Variants in ADAMTS3 observed in about 807,000 individuals in gnomAD.
The protein encoded by ADAMTS3 is A disintegrin and metalloproteinase with thrombospondin motifs 3.
A neutral mutation model predicts 129.0 loss-of-function variants in ADAMTS3; 73 were observed. The observed-to-expected ratio is 0.57, with a 90% CI of 0.47 to 0.69. ADAMTS3 has a LOEUF of 0.69. Ranked by LOEUF, ADAMTS3 falls within the 30% of genes least tolerant of loss-of-function variation. ADAMTS3 has a pLI of 0.00. For missense variants in ADAMTS3, 1,457 were observed against 1,514.5 expected, an observed-to-expected ratio of 0.96 and a Z score of 0.63; for synonymous variants, 477 against 510.8, an observed-to-expected ratio of 0.93 and a Z score of 0.89.
chr4:72,344,870 AAAAAC>A (rs1450427709), intron 4 of ADAMTS3, among the ~76,000 whole-genome samples: 2 of 152,138 alleles, frequency 1.3e-5, no homozygotes. Flanking sequence ...TGGATTACCT[AAAAAC>A]AAACTTCATT....
chr4:72,420,928 T>C (rs1178892714), intron 3 of ADAMTS3, among the ~76,000 whole-genome samples: 1 of 151,500 alleles, frequency 6.6e-6, no homozygotes, highest in Non-Finnish European at 1.5e-5. Context: ...TACAGAATTG[T>C]AATTAAGAAA....
intron 3 of ADAMTS3, among the ~76,000 whole-genome samples, chr4:72,486,114 A>G (rs1181848282): frequency 6.6e-6 from 1 of 152,214 alleles, no homozygotes; most frequent in African/African-American, 2.4e-5. Flanking sequence ...AGAACTGTAT[A>G]TAGTAGTAGA....
intron 4 of ADAMTS3, among the ~76,000 whole-genome samples, chr4:72,375,696 T>C (rs1303513466): frequency 6.6e-6 from 1 of 152,074 alleles, no homozygotes; most frequent in African/African-American, 2.4e-5. Flanking sequence ...GTCCTTTCTA[T>C]TGGAAAATTA....
chr4:72,483,722 A>G (rs1401786867), intron 3 of ADAMTS3, among the ~76,000 whole-genome samples: 1 of 152,226 alleles, frequency 6.6e-6, no homozygotes, highest in Non-Finnish European at 1.5e-5. Flanking sequence ...CCAAACCTTC[A>G]TTAAGATAGC....
chr4:72,384,805 G>T (rs779940099), intron 4 of ADAMTS3, among the ~76,000 whole-genome samples: 2 of 151,968 alleles, frequency 1.3e-5, no homozygotes, highest in African/African-American at 4.8e-5. Flanking sequence ...AAATATTTAC[G>T]TTTAAAGCAA....
chr4:72,558,978 G>A (rs1286785619), intron 2 of ADAMTS3, among the ~76,000 whole-genome samples: 1 of 151,760 alleles, frequency 6.6e-6, no homozygotes, highest in African/African-American at 2.4e-5. Flanking sequence ...GCCTGGAGAT[G>A]ACAGCAACAG....
rs960352825 is a variant in ADAMTS3 at position 72,298,166 on chromosome 4, G to A, written c.2590+111C>T. The A allele has an allele frequency of 1.7e-5, 13 of 782,988 alleles. No individual in the cohort carries two copies. In the Admixed American group the frequency reaches 2.3e-4, roughly 14 times the overall value. The allele number at this position is 782,988 out of a possible 1,614,324, so 48.5% of individuals were successfully genotyped here. ...TTTGTATTGATGTTTTGATGGTTAT[G>A]TTTGGTGTTTCTCAGATTGTGGCCT... On this transcript the variant is annotated intron_variant, in intron 18 of 21. Coordinates refer to ENST00000286657, the MANE Select transcript of ADAMTS3 (RefSeq NM_014243.3).
intron 4 of ADAMTS3, among the ~76,000 whole-genome samples, chr4:72,384,959 G>A (rs1410675948): frequency 3.9e-5 from 6 of 152,078 alleles, no homozygotes; most frequent in South Asian, 4.1e-4. Context: ...ACAAGGTCAG[G>A]AGATCGAGAC....
chr4:72,356,354 CAGAG>C (rs1396425736), intron 4 of ADAMTS3, among the ~76,000 whole-genome samples: 2 of 151,840 alleles, frequency 1.3e-5, no homozygotes, highest in East Asian at 3.9e-4. Flanking sequence ...ATAATATACA[CAGAG>C]GCACACACTA....
chr4:72,518,727 G>A (rs1392339526), intron 3 of ADAMTS3, among the ~76,000 whole-genome samples: 2 of 151,616 alleles, frequency 1.3e-5, no homozygotes, highest in Non-Finnish European at 2.9e-5. Context: ...GAGCCTATGT[G>A]TGTCTCTGCA....
chr4:72,493,866 G>GT lies in ADAMTS3; in HGVS notation c.504+54611dup, dbSNP rs1026140621. 1.4e-4 allele frequency among the ~76,000 whole-genome samples: 21 copies of GT among 151,890 alleles called. 1 individual carries two copies. The East Asian group carries it at 3.1e-3, about 22-fold the overall frequency. On this transcript the variant is annotated intron_variant, in intron 3 of 21. Transcript: ENST00000286657. ...TTACAAAGTATAGTATTATTGTGGA[G>GT]TTTTTTTCTTTCAGAACTTTTAATA...
At chr4:72,331,654 C>T (rs150220343) in intron 5 of ADAMTS3, among the ~76,000 whole-genome samples, 178 of 152,198 alleles carry the variant, frequency 1.2e-3, no homozygotes, top group African/African-American at 3.8e-3. Flanking sequence ...ACCATGCAGA[C>T]CAATCTAGAG....
At chr4:72,529,778 A>G (rs1384819722) in intron 3 of ADAMTS3, among the ~76,000 whole-genome samples, 1 of 101,746 alleles carries the variant, frequency 9.8e-6, no homozygotes, top group Non-Finnish European at 1.8e-5. Context: ...ATGTTAATTA[A>G]TATATGATAT....
At chr4:72,327,777 T>C (rs1719736340) in intron 5 of ADAMTS3, among the ~76,000 whole-genome samples, 1 of 152,178 alleles carries the variant, frequency 6.6e-6, no homozygotes, top group East Asian at 1.9e-4. Context: ...TTTAAGAATA[T>C]AGTGTGGAAA....
At chr4:72,424,024 T>A (rs1261601012) in intron 3 of ADAMTS3, among the ~76,000 whole-genome samples, 1 of 152,092 alleles carries the variant, frequency 6.6e-6, no homozygotes, top group Non-Finnish European at 1.5e-5. Flanking sequence ...GTCAACTTTG[T>A]ATTACAATTA....
intron 4 of ADAMTS3, among the ~76,000 whole-genome samples, chr4:72,398,027 G>A (rs1169275640): frequency 6.6e-6 from 1 of 152,138 alleles, no homozygotes; most frequent in African/African-American, 2.4e-5. Context: ...CTACACTGAG[G>A]TTATCAGGAG....
chr4:72,566,149 C>G (rs1169526094), intron 2 of ADAMTS3, among the ~76,000 whole-genome samples: 2 of 152,170 alleles, frequency 1.3e-5, no homozygotes, highest in African/African-American at 4.8e-5. Context: ...TTCCTCCCCA[C>G]TGTTCTCCTC....
chr4:72,315,500 G>C (rs749556215), intron 11 of ADAMTS3, among the ~76,000 whole-genome samples: 1 of 152,092 alleles, frequency 6.6e-6, no homozygotes, highest in Non-Finnish European at 1.5e-5. Flanking sequence ...CAAGAAATGT[G>C]GGGTGGCCAC....
chr4:72,283,356 C>T lies in ADAMTS3; in HGVS notation c.3398G>A (p.Ser1133Asn), dbSNP rs1718407394. The change falls in exon 22 of 22, where the codon AGT becomes AAT. Residue 1133 changes from serine (S) to asparagine (N), a missense_variant. Ser to Asn is a conservative substitution (Grantham distance 46). Transcript: ENST00000286657. Reference protein sequence around the residue: ...KPDGANLRQRSAQQAGSKTVR... With the variant: ...KPDGANLRQRNAQQAGSKTVR... ...AGTCTTACTTCCTGCTTGCTGAGCACTCCTCTGGCGTAAATTAGCACCATC... is the reference window on the plus strand; with the variant it reads ...AGTCTTACTTCCTGCTTGCTGAGCATTCCTCTGGCGTAAATTAGCACCATC... 6.2e-7 allele frequency: 1 copy of T among 1,613,536 alleles called. No homozygotes were observed. Among genetic ancestry groups the T allele is most frequent in the African/African-American group, 1.3e-5 (1 of 74,908 alleles).
Sources: allele counts gnomAD v4.1 joint callset (sites outside exome capture counted in the v4.1 genomes callset), GRCh38; gene constraint gnomAD v4.1.1; transcripts MANE v1.5; gene names NCBI Gene and HGNC (gene_info 2026-07-23, HGNC 2026-07-21).